RAB28: variants seen among roughly 807,000 people sequenced by gnomAD.
The protein encoded by RAB28 is ras-related protein Rab-28.
A neutral mutation model predicts 31.7 loss-of-function variants in RAB28; 24 were observed. That is an observed-to-expected ratio of 0.76 (90% CI 0.55 to 1.06). RAB28 has a LOEUF of 1.06. Among genes scored for constraint, RAB28 ranks in the 50% least tolerant of loss-of-function variants. The pLI, the probability that RAB28 is intolerant of heterozygous loss-of-function variation, is 0.00. For synonymous variants in RAB28, 100 were observed against 90.4 expected (o/e 1.11, Z -0.60); for missense variants, 254 against 258.5 (o/e 0.98, Z 0.12).
At chr4:13,411,292 TTAATACAAC>T (rs1310566875) in intron 4 of RAB28, among the ~76,000 whole-genome samples, 1 of 152,124 alleles carries the variant, frequency 6.6e-6, no homozygotes, top group Non-Finnish European at 1.5e-5. Flanking sequence ...GAAACATTAA[TTAATACAAC>T]TTTTGTGAAT....
chr4:13,414,350 T>C (rs890749110), intron 4 of RAB28, among the ~76,000 whole-genome samples: 8 of 152,138 alleles, frequency 5.3e-5, no homozygotes, highest in Non-Finnish European at 8.8e-5. Context: ...CATGCACCCA[T>C]AATTCAAAAA....
At chr4:13,473,035 C>CA (rs1577248080) in intron 3 of RAB28, among the ~76,000 whole-genome samples, 1 of 151,804 alleles carries the variant, frequency 6.6e-6, no homozygotes, top group Non-Finnish European at 1.5e-5. Context: ...ATCAGCAATG[C>CA]AAAAAATCAA....
At chr4:13,407,644 G>A (rs371517732) in intron 4 of RAB28, among the ~76,000 whole-genome samples, 34 of 152,304 alleles carry the variant, frequency 2.2e-4, no homozygotes, top group African/African-American at 7.7e-4. Context: ...GAATGAGCAT[G>A]GAATGTTTTT....
At chr4:13,416,401 T>A (rs1387435741) in intron 4 of RAB28, among the ~76,000 whole-genome samples, 1 of 152,182 alleles carries the variant, frequency 6.6e-6, no homozygotes, top group Non-Finnish European at 1.5e-5. Context: ...ACACGCCGCC[T>A]TTAAGAACTG....
At chr4:13,392,771 AGTAT>A (rs1393841615) in intron 4 of RAB28, among the ~76,000 whole-genome samples, 1 of 152,222 alleles carries the variant, frequency 6.6e-6, no homozygotes, top group Non-Finnish European at 1.5e-5. Flanking sequence ...AAAAATGATA[AGTAT>A]GTGAGGAAAT....
chr4:13,436,008 A>G (rs913252644), intron 4 of RAB28, among the ~76,000 whole-genome samples: 6 of 152,188 alleles, frequency 3.9e-5, no homozygotes, highest in African/African-American at 1.4e-4. Flanking sequence ...CAAAAAGATA[A>G]TTCACTAAAA....
intron 3 of RAB28, among the ~76,000 whole-genome samples, chr4:13,470,425 T>G (rs1259619631): frequency 6.6e-6 from 1 of 152,078 alleles, no homozygotes; most frequent in East Asian, 1.9e-4. Context: ...TCTCCATAGC[T>G]GTCATGTAGG....
chr4:13,378,624 C>T (rs998943068), intron 5 of RAB28, among the ~76,000 whole-genome samples: 3 of 151,926 alleles, frequency 2.0e-5, no homozygotes, highest in Non-Finnish European at 4.4e-5. Context: ...AAAAATAATA[C>T]ATATGAAAGA....
intron 3 of RAB28, among the ~76,000 whole-genome samples, chr4:13,465,930 C>G (rs902766450): frequency 1.3e-5 from 2 of 151,706 alleles, no homozygotes; most frequent in African/African-American, 4.8e-5. Context: ...CATGTACAGT[C>G]AATTGATTTT....
At chr4:13,395,480 T>A (rs1179525397) in intron 4 of RAB28, among the ~76,000 whole-genome samples, 1 of 152,076 alleles carries the variant, frequency 6.6e-6, no homozygotes, top group Non-Finnish European at 1.5e-5. Context: ...TAAAATTATA[T>A]ATACACTTTG....
intron 4 of RAB28, among the ~76,000 whole-genome samples, chr4:13,427,748 A>C (rs1713586983): frequency 6.6e-6 from 1 of 152,122 alleles, no homozygotes; most frequent in South Asian, 2.1e-4. Context: ...CCCGGGAGAG[A>C]GGAAGAAACT....
chr4:13,417,733 C>T (rs1399553491), intron 4 of RAB28, among the ~76,000 whole-genome samples: 1 of 152,124 alleles, frequency 6.6e-6, no homozygotes, highest in East Asian at 1.9e-4. Flanking sequence ...ACACCAAAAC[C>T]CCATCTATAG....
At chr4:13,418,083 G>C (rs919031084) in intron 4 of RAB28, among the ~76,000 whole-genome samples, 4 of 152,114 alleles carry the variant, frequency 2.6e-5, no homozygotes, top group Non-Finnish European at 5.9e-5. Context: ...TGAAAACCAG[G>C]GCACAAGAAC....
intron 6 of RAB28, among the ~76,000 whole-genome samples, chr4:13,373,466 C>T (rs946853697): frequency 1.3e-5 from 2 of 152,198 alleles, no homozygotes; most frequent in South Asian, 2.1e-4. Flanking sequence ...TGTTTGGCTG[C>T]CCCACTTATT....
intron 4 of RAB28, among the ~76,000 whole-genome samples, chr4:13,402,047 G>A (rs1459477167): frequency 6.6e-6 from 1 of 152,018 alleles, no homozygotes; most frequent in African/African-American, 2.4e-5. Flanking sequence ...TTAATATTTG[G>A]GAATATTACA....
intron 4 of RAB28, among the ~76,000 whole-genome samples, chr4:13,423,311 G>A (rs535581821): frequency 6.6e-6 from 1 of 152,176 alleles, no homozygotes; most frequent in South Asian, 2.1e-4. Flanking sequence ...CAAGGAGGGT[G>A]GATCGCCTGA....
chr4:13,467,705 G>C (rs1264742290), intron 3 of RAB28, among the ~76,000 whole-genome samples: 1 of 151,830 alleles, frequency 6.6e-6, no homozygotes, highest in Non-Finnish European at 1.5e-5. Context: ...ACCAGAGAAA[G>C]CAGAAAAAGA....
chr4:13,437,980 G>T (rs966334345), intron 4 of RAB28, among the ~76,000 whole-genome samples: 1 of 152,172 alleles, frequency 6.6e-6, no homozygotes, highest in Non-Finnish European at 1.5e-5. Context: ...TAAACAAAAT[G>T]TGGTAAATAA....
At chr4:13,446,006 G>T (rs1714674866) in intron 4 of RAB28, among the ~76,000 whole-genome samples, 1 of 152,212 alleles carries the variant, frequency 6.6e-6, no homozygotes. Context: ...ATCCAAGGGA[G>T]ATGAGAGTTC....
Sources: allele counts gnomAD v4.1 joint callset (sites outside exome capture counted in the v4.1 genomes callset), GRCh38; gene constraint gnomAD v4.1.1; transcripts MANE v1.5; gene names NCBI Gene and HGNC (gene_info 2026-07-23, HGNC 2026-07-21).